PTPN13: variants seen among roughly 807,000 people sequenced by gnomAD.
PTPN13 encodes protein tyrosine phosphatase non-receptor type 13.
In PTPN13, 191 loss-of-function variants were observed where a neutral mutation model predicts 284.0. That is an observed-to-expected ratio of 0.67 (90% CI 0.60 to 0.76). The LOEUF (loss-of-function observed/expected upper bound fraction) is 0.76. Ranked by LOEUF, PTPN13 falls within the 30% of genes least tolerant of loss-of-function variation. The pLI is 0.00. For missense variants in PTPN13, 2,797 were observed against 2,939.9 expected, an observed-to-expected ratio of 0.95 and a Z score of 1.12; for synonymous variants, 986 against 1,022.3, an observed-to-expected ratio of 0.96 and a Z score of 0.68.
chr4:86,727,345 A>G (rs1220125047), intron 10 of PTPN13, among the ~76,000 whole-genome samples: 1 of 149,510 alleles, frequency 6.7e-6, no homozygotes, highest in African/African-American at 2.4e-5. Flanking sequence ...GTTAGGGAGG[A>G]TTCCCTCTTT....
chr4:86,791,960 T>G (rs1742728158), intron 40 of PTPN13, among the ~76,000 whole-genome samples: 1 of 152,020 alleles, frequency 6.6e-6, no homozygotes. Context: ...CTCCAAAGGA[T>G]CGCAGCTCCT....
In PTPN13 at chr4:86,799,202, A is replaced by G; in HGVS notation, c.6503A>G (p.Lys2168Arg). The G allele has an allele frequency of 6.6e-7, 1 of 1,525,894 alleles. No individual in the cohort carries two copies. Among genetic ancestry groups the G allele is most frequent in the Non-Finnish European group, 8.8e-7 (1 of 1,134,992 alleles). The allele number at this position is 1,525,894 out of a possible 1,614,324, so 94.5% of individuals were successfully genotyped here. ...IERTNHEDSDKDHSFLTNDEL... is the reference protein window; with the variant it reads ...IERTNHEDSDRDHSFLTNDEL... The stretch of plus-strand genomic sequence containing the variant: ...AGAACAAACCATGAAGATTCTGATA[A>G]AGGCAAGAATTTTAATGACAGTTTT... Residue 2168 changes from lysine to arginine, a missense_variant and splice_region_variant, in exon 42 of 48, where the codon AAA (lysine) becomes AGA (arginine). By Grantham distance (26) the Lys-to-Arg change is conservative. Coordinates refer to ENST00000411767, the MANE Select transcript of PTPN13 (RefSeq NM_080683.3).
Position 86,701,652 on chromosome 4 carries a change from T to A in PTPN13, c.1046T>A (p.Ile349Lys). The change falls in exon 7 of 48, where the codon ATA (isoleucine) becomes AAA (lysine). Residue 349 changes from isoleucine (I) to lysine (K), a missense_variant. By Grantham distance (102) the Ile-to-Lys change is moderately radical. Transcript: ENST00000411767. ...KKEARYSDGS[I>K]ALDIFGPQKM... ...GAGGCAAGATACTCAGATGGAAGTA[T>A]AGCCTTGGATATCTTTGGCCCTCAG... 8 of 1,613,918 alleles carry A rather than the reference T, an allele frequency of 5.0e-6. No individual in the cohort carries two copies. The highest frequency in any genetic ancestry group is 6.8e-6 in the Non-Finnish European group (8 of 1,179,842).
chr4:86,667,971 G>A (rs1301909530), intron 2 of PTPN13, among the ~76,000 whole-genome samples: 1 of 151,980 alleles, frequency 6.6e-6, no homozygotes, highest in African/African-American at 2.4e-5. Context: ...AACCCTCAGG[G>A]AAAAAAATGG....
intron 40 of PTPN13, among the ~76,000 whole-genome samples, chr4:86,796,262 T>A (rs1201933431): frequency 1.3e-5 from 2 of 152,200 alleles, no homozygotes; most frequent in Non-Finnish European, 2.9e-5. Flanking sequence ...ATACCAAATG[T>A]GCATATCTAA....
chr4:86,750,491 T>C lies in PTPN13; in HGVS notation c.2672T>C (p.Leu891Pro). 6.2e-7 allele frequency: 1 copy of C among 1,613,264 alleles called. No individual in the cohort carries two copies. The highest frequency in any genetic ancestry group is 8.5e-7 in the Non-Finnish European group (1 of 1,179,534). The part of the protein sequence containing the change: ...QDIERASFRS[L>P]NLQAESVRGF... ...GTAGAGAGAGCTTCGTTTAGGAGCC[T>C]GAATCTCCAAGCAGAGTCTGTTAGA... The change falls in exon 18 of 48, where the codon CTG (leucine) becomes CCG (proline). Residue 891 changes from leucine to proline, a missense_variant. Transcript: ENST00000411767.
At chr4:86,800,024 G>A (rs1039570144) in intron 42 of PTPN13, among the ~76,000 whole-genome samples, 7 of 151,598 alleles carry the variant, frequency 4.6e-5, no homozygotes, top group Admixed American at 2.0e-4. Context: ...TTTTAGTAGA[G>A]ATGGGGTTTC....
intron 14 of PTPN13, 121 bp downstream of exon 14, chr4:86,734,996 T>TG: frequency 1.7e-6 from 2 of 1,167,790 alleles, no homozygotes; most frequent in Non-Finnish European, 2.4e-6. Flanking sequence ...GAGGCTTCTT[T>TG]GGTTCCTCAG....
chr4:86,689,844 C>T, intron 5 of PTPN13: 1 of 674,694 alleles, frequency 1.5e-6, no homozygotes. Flanking sequence ...ATCTTGTTTG[C>T]CCTATCTGAT....
chr4:86,769,145 A>T (rs180770468), intron 28 of PTPN13, among the ~76,000 whole-genome samples: 1 of 152,284 alleles, frequency 6.6e-6, no homozygotes, highest in African/African-American at 2.4e-5. Flanking sequence ...ATTTATTGAA[A>T]TATTGCAATT....
At chr4:86,770,247 G>T in intron 30 of PTPN13, 48 bp downstream of exon 30, 2 of 1,480,434 alleles carry the variant, frequency 1.4e-6, no homozygotes, top group Non-Finnish European at 1.9e-6. Flanking sequence ...TATCAACTTA[G>T]CAACTAACTA....
intron 47 of PTPN13, among the ~76,000 whole-genome samples, chr4:86,814,195 CAG>C (rs1745551487): frequency 6.6e-6 from 1 of 151,238 alleles, no homozygotes; most frequent in Non-Finnish European, 1.5e-5. Flanking sequence ...TTAGTAGAGA[CAG>C]AGTTTCACCA....
Position 86,758,804 on chromosome 4 carries a change from G to A in PTPN13, c.3421+19G>A, listed in dbSNP as rs781726621. On this transcript the variant is annotated intron_variant, in intron 22 of 47. Transcript: ENST00000411767. Reference sequence around the variant, plus strand: ...AAGCCAGGTACTTTACATTTTGGTAGTTTTCTAAGTATTTTCTGACAGGCA... The same window carrying A: ...AAGCCAGGTACTTTACATTTTGGTAATTTTCTAAGTATTTTCTGACAGGCA... 1.2e-6 allele frequency: 2 copies of A among 1,605,148 alleles called. No individual in the cohort carries two copies. Among genetic ancestry groups the A allele is most frequent in the African/African-American group, 2.7e-5 (2 of 74,278 alleles).
At chr4:86,726,060 A>G (rs769490739) in intron 10 of PTPN13, among the ~76,000 whole-genome samples, 5 of 149,712 alleles carry the variant, frequency 3.3e-5, no homozygotes, top group African/African-American at 1.2e-4. Context: ...TCCCAGCACC[A>G]TGTATTAAAT....
At chr4:86,666,959 A>G (rs1727155670) in intron 2 of PTPN13, among the ~76,000 whole-genome samples, 2 of 152,164 alleles carry the variant, frequency 1.3e-5, no homozygotes, top group Admixed American at 1.3e-4. Flanking sequence ...GTATTCACCT[A>G]TGCAAGCTTC....
chr4:86,757,222 C>A (rs1329397370), intron 20 of PTPN13, among the ~76,000 whole-genome samples: 1 of 152,094 alleles, frequency 6.6e-6, no homozygotes, highest in Non-Finnish European at 1.5e-5. Flanking sequence ...AGAGTAAATT[C>A]TAGTTCTGAT....
At chr4:86,677,268 A>G (rs1444318698) in intron 3 of PTPN13, among the ~76,000 whole-genome samples, 5 of 151,788 alleles carry the variant, frequency 3.3e-5, no homozygotes, top group Admixed American at 1.3e-4. Flanking sequence ...CTCTGTCTCA[A>G]AAAACAACAA....
At chr4:86,644,304 T>C (rs558993180) in intron 2 of PTPN13, among the ~76,000 whole-genome samples, 25 of 152,180 alleles carry the variant, frequency 1.6e-4, no homozygotes, top group African/African-American at 5.5e-4. Context: ...GCCAAATTTT[T>C]TTTGTGTGTA....
chr4:86,792,000 G>A (rs10013411), intron 40 of PTPN13, among the ~76,000 whole-genome samples: 15,150 of 152,176 alleles, frequency 0.1, 876 homozygotes, highest in Non-Finnish European at 0.11. Context: ...CTGGACAGAG[G>A]ATGAGTTTGA....
Sources: allele counts gnomAD v4.1 joint callset (sites outside exome capture counted in the v4.1 genomes callset), GRCh38; gene constraint gnomAD v4.1.1; transcripts MANE v1.5; gene names NCBI Gene and HGNC (gene_info 2026-07-23, HGNC 2026-07-21).